The following RBM28 variants were observed in gnomAD, a reference collection of about 807,000 sequenced individuals.
RBM28 encodes the protein RNA binding motif protein 28.
Under a neutral mutation model 98.3 loss-of-function variants are expected in RBM28, and 78 were observed. That is an observed-to-expected ratio of 0.79 (90% CI 0.66 to 0.96). The LOEUF (loss-of-function observed/expected upper bound fraction) is 0.96. RBM28 is among the 40% of genes least tolerant of loss of function. The pLI, the probability that RBM28 is intolerant of heterozygous loss-of-function variation, is 0.00. For synonymous variants in RBM28, 306 were observed against 330.9 expected (o/e 0.92, Z 0.82); for missense variants, 838 against 913.0 (o/e 0.92, Z 1.06).
Position 128,297,996 on chromosome 7 carries a change from G to A in RBM28, c.*12801C>T. On this transcript the variant is annotated 3_prime_UTR_variant, in exon 19 of 19. Coordinates refer to ENST00000223073, the MANE Select transcript of RBM28 (RefSeq NM_018077.3). ...ACTCTGGGGACTATTGAGGGGTGGG[G>A]GGAGGGGGGAGGGATAGCATTGGGA... 1 of 115,806 alleles carries A rather than the reference G, an allele frequency of 8.6e-6. No individual in the cohort carries two copies. Among genetic ancestry groups the A allele is most frequent in the Non-Finnish European group, 1.8e-5 (1 of 55,928 alleles). 7.2% of individuals were successfully genotyped at this position (115,806 alleles called of 1,614,324 possible). A position where few individuals can be genotyped will look rare whatever the true frequency, so the allele number is the denominator to read the frequency against.
chr7:128,314,912 T>G lies in RBM28; in HGVS notation c.1897A>C (p.Lys633Gln), dbSNP rs1405666107. 2 of 1,614,080 alleles carry G rather than the reference T, an allele frequency of 1.2e-6. No homozygotes were observed. Among genetic ancestry groups the G allele is most frequent in the Admixed American group, 3.3e-5 (2 of 60,010 alleles). ...TTTCTCTTCTGCTCTGGGGGCACCT[T>G]GCTTTGTTCCTCTGTGTGGTGTTGA... The part of the protein sequence containing the change: ...AAQHHTEEQS[K>Q]VPPEQKRKAG... The change falls in exon 17 of 19, where the codon AAG becomes CAG. Residue 633 changes from lysine to glutamine, a missense_variant. Transcript: ENST00000223073.
chr7:128,330,022 A>ATGCT (rs1796442695), intron 10 of RBM28, among the ~76,000 whole-genome samples: 1 of 152,160 alleles, frequency 6.6e-6, no homozygotes, highest in Admixed American at 6.5e-5. Context: ...AGAATGGTCA[A>ATGCT]TGCTTAAAAC....
chr7:128,322,957 G>A (rs895976016), intron 13 of RBM28, among the ~76,000 whole-genome samples: 1 of 152,096 alleles, frequency 6.6e-6, no homozygotes, highest in Non-Finnish European at 1.5e-5. Context: ...TTGGCTTTTT[G>A]AAAGTAAGTT....
chr7:128,328,310 T>C (rs1447811467), intron 10 of RBM28, among the ~76,000 whole-genome samples: 1 of 152,220 alleles, frequency 6.6e-6, no homozygotes. Flanking sequence ...TGCTTCTCTC[T>C]GAATGGGTAA....
intron 10 of RBM28, among the ~76,000 whole-genome samples, chr7:128,328,988 T>C (rs1352272429): frequency 6.6e-6 from 1 of 152,014 alleles, no homozygotes; most frequent in Non-Finnish European, 1.5e-5. Context: ...GGTCTTGTTC[T>C]GTCTCACAGT....
In RBM28 at chr7:128,321,506, T is replaced by C. The variant is rs1034611215; in HGVS notation, c.1405-82A>G. 5 of 1,543,570 alleles carry C rather than the reference T, an allele frequency of 3.2e-6. No homozygotes were observed. In the African/African-American group the frequency reaches 4.1e-5, roughly 13 times the overall value. ...ATAATTCTCCAAAAGGAAAGAATTA[T>C]GATCCTCATCCCATAACCACACATA... On this transcript the variant is annotated intron_variant, in intron 13 of 18. Transcript: ENST00000223073.
At chr7:128,338,141 A>T in intron 5 of RBM28, 109 bp downstream of exon 5, 1 of 804,128 alleles carries the variant, frequency 1.2e-6, no homozygotes, top group Non-Finnish European at 2.2e-6. Flanking sequence ...TAGCAATGAG[A>T]CTCTTAATAA....
Position 128,325,801 on chromosome 7 carries a change from G to A in RBM28, c.1203+17C>T. On this transcript the variant is annotated intron_variant, in intron 11 of 18. Transcript: ENST00000223073. ...ACTGCCTCCTGTGTTATAAGGTAAA[G>A]GAAATATCTTCCTTACCTCATTCTC... 3 of 1,602,236 alleles carry A rather than the reference G, an allele frequency of 1.9e-6. No homozygotes were observed. Among genetic ancestry groups the A allele is most frequent in the Admixed American group, 1.7e-5 (1 of 59,982 alleles).
At chr7:128,317,529 T>C (rs1005883263) in intron 16 of RBM28, 130 bp downstream of exon 16, 15 of 706,562 alleles carry the variant, frequency 2.1e-5, no homozygotes, top group Middle Eastern at 3.7e-4. Context: ...CTTAGGGAAC[T>C]GGGAGTAAAG....
rs958718317 is a variant in RBM28 at position 128,321,158 on chromosome 7, T to C, written c.1563+108A>G. The C allele has an allele frequency of 3.5e-6, 5 of 1,440,022 alleles. No homozygotes were observed. The African/African-American group carries it at 4.2e-5, about 12-fold the overall frequency. 89.2% of individuals were successfully genotyped at this position (1,440,022 alleles called of 1,614,324 possible). ...TACAGCCTGGGCAACAGAGTGAGAC[T>C]TCGTCTCAAAACAAACAAACAAAAT... On this transcript the variant is annotated intron_variant, in intron 14 of 18. Transcript: ENST00000223073.
chr7:128,335,925 T>C lies in RBM28; in HGVS notation c.731A>G (p.Asp244Gly), dbSNP rs548916257. 4 of 1,606,604 alleles carry C rather than the reference T, an allele frequency of 2.5e-6. No homozygotes were observed. The African/African-American group carries it at 5.5e-5, about 22-fold the overall frequency. ...DDDDDDDDEE[D>G]GVFDDEDEEE... ...TTCATCTTCATCATCAAAAACCCCATCTTCTTCATCATCATCATCGTCATC... is the reference window on the plus strand; with the variant it reads ...TTCATCTTCATCATCAAAAACCCCACCTTCTTCATCATCATCATCGTCATC... The change falls in exon 7 of 19, where the codon GAT (aspartate) becomes GGT (glycine). Residue 244 changes from aspartate to glycine, a missense_variant. Coordinates refer to ENST00000223073, the MANE Select transcript of RBM28 (RefSeq NM_018077.3).
chr7:128,333,466 A>G (rs1188908499), intron 8 of RBM28, 104 bp from the exon 9 acceptor site: 3 of 980,698 alleles, frequency 3.1e-6, no homozygotes, highest in Non-Finnish European at 4.7e-6. Context: ...GCAGTGGCTC[A>G]TGCCACTTTG....
intron 1 of RBM28, 107 bp downstream of exon 1, chr7:128,343,569 T>C: frequency 1.3e-6 from 1 of 751,090 alleles, no homozygotes; most frequent in Admixed American, 2.7e-5. Context: ...CAGTTCCCTG[T>C]CCCTTCTCTT....
chr7:128,322,687 G>A (rs1796262328), intron 13 of RBM28, among the ~76,000 whole-genome samples: 1 of 152,002 alleles, frequency 6.6e-6, no homozygotes, highest in African/African-American at 2.4e-5. Context: ...ATCAGACAAG[G>A]GTATATAGTG....
chr7:128,341,468 G>A (rs544397714), intron 1 of RBM28, among the ~76,000 whole-genome samples: 62 of 152,352 alleles, frequency 4.1e-4, no homozygotes, highest in African/African-American at 1.4e-3. Flanking sequence ...TGACAACCCT[G>A]TGAAATTATT....
chr7:128,324,061 G>C (rs193019423), intron 12 of RBM28, among the ~76,000 whole-genome samples: 14 of 152,194 alleles, frequency 9.2e-5, no homozygotes, highest in Admixed American at 2.6e-4. Flanking sequence ...GAAGGCTAAA[G>C]GACATTACTA....
At chr7:128,339,433 T>C in intron 2 of RBM28, 112 bp from the exon 3 acceptor site, 1 of 1,141,910 alleles carries the variant, frequency 8.8e-7, no homozygotes. Context: ...CAGGGTTAAG[T>C]GTGGCAATAA....
intron 18 of RBM28, among the ~76,000 whole-genome samples, chr7:128,311,902 T>C (rs1482889545): frequency 6.6e-6 from 1 of 152,244 alleles, no homozygotes; most frequent in Non-Finnish European, 1.5e-5. Flanking sequence ...ATCAGCATTC[T>C]GTAACCCATA....
chr7:128,302,567 T>C lies in RBM28; in HGVS notation c.*8230A>G, dbSNP rs1321121688. 6.6e-6 allele frequency: 1 copy of C among 152,186 alleles called. No homozygotes were observed. Among genetic ancestry groups the C allele is most frequent in the Non-Finnish European group, 1.5e-5 (1 of 68,034 alleles). The allele number at this position is 152,186 out of a possible 1,614,324, so 9.4% of individuals were successfully genotyped here. Reference sequence around the variant, plus strand: ...CTATTAGCAACCTCTAAGGGAGTCCTAGCTACTGCCTAGGAAATCACAAAA... The same window carrying C: ...CTATTAGCAACCTCTAAGGGAGTCCCAGCTACTGCCTAGGAAATCACAAAA... On this transcript the variant is annotated 3_prime_UTR_variant, in exon 19 of 19. Transcript: ENST00000223073.
Sources: allele counts gnomAD v4.1 joint callset (sites outside exome capture counted in the v4.1 genomes callset), GRCh38; gene constraint gnomAD v4.1.1; transcripts MANE v1.5; gene names NCBI Gene and HGNC (gene_info 2026-07-23, HGNC 2026-07-21).